TENM4: variants seen among roughly 807,000 people sequenced by gnomAD.
TENM4 encodes the protein teneurin transmembrane protein 4.
In TENM4, 82 loss-of-function variants were observed where a neutral mutation model predicts 243.3. The observed-to-expected ratio is 0.34, with a 90% CI of 0.28 to 0.40. The LOEUF (loss-of-function observed/expected upper bound fraction) is 0.40, where lower values mean the gene tolerates loss of function less well. Among genes scored for constraint, TENM4 ranks in the 10% least tolerant of loss-of-function variants. The pLI is 1.00. For missense variants in TENM4, 3,138 were observed against 3,673.3 expected, an observed-to-expected ratio of 0.85 and a Z score of 3.77; for synonymous variants, 1,412 against 1,456.3, an observed-to-expected ratio of 0.97 and a Z score of 0.69.
chr11:79,192,845 T>C (rs1468523924), intron 3 of TENM4, among the ~76,000 whole-genome samples: 1 of 152,164 alleles, frequency 6.6e-6, no homozygotes, highest in Non-Finnish European at 1.5e-5. Flanking sequence ...ACCTAGACGA[T>C]ATGATTATTT....
chr11:79,269,162 G>A (rs1855927998), intron 2 of TENM4, among the ~76,000 whole-genome samples: 2 of 152,124 alleles, frequency 1.3e-5, no homozygotes, highest in Non-Finnish European at 2.9e-5. Flanking sequence ...TAAAAAATGA[G>A]AATCACCTGT....
chr11:79,141,835 T>A (rs1366767664), intron 4 of TENM4, among the ~76,000 whole-genome samples: 1 of 152,044 alleles, frequency 6.6e-6, no homozygotes, highest in Non-Finnish European at 1.5e-5. Flanking sequence ...GCAAGGATGG[T>A]TCAACATACA....
At chr11:79,169,699 A>G (rs1862996802) in intron 3 of TENM4, among the ~76,000 whole-genome samples, 2 of 152,214 alleles carry the variant, frequency 1.3e-5, no homozygotes, top group African/African-American at 4.8e-5. Context: ...TGCTGTGGCC[A>G]GAGACTAGGG....
At chr11:78,901,334 T>C (rs1029927741) in intron 7 of TENM4, among the ~76,000 whole-genome samples, 1 of 152,192 alleles carries the variant, frequency 6.6e-6, no homozygotes, top group African/African-American at 2.4e-5. Context: ...TGTTTTACAA[T>C]GAACATTTCT....
At chr11:78,785,887 C>A (rs1470870053) in intron 16 of TENM4, among the ~76,000 whole-genome samples, 3 of 152,078 alleles carry the variant, frequency 2.0e-5, no homozygotes, top group Non-Finnish European at 4.4e-5. Context: ...CTCTAAGACC[C>A]AAGAGGTCAC....
rs111999792 is a variant in TENM4, at chr11:78,949,991, C to A, written c.494-46468G>T. On this transcript the variant is annotated intron_variant, in intron 6 of 33. Transcript: ENST00000278550. The stretch of plus-strand genomic sequence containing the variant: ...TATTCCAGTGTTCCCCTTTGGTTGG[C>A]GGGGCGGGGGGTGCATCAATGGATG... Among the ~76,000 whole-genome samples, 274 of 151,632 alleles carry A rather than the reference C, an allele frequency of 1.8e-3. 1 individual carries two copies. The highest frequency in any genetic ancestry group is 6.3e-3 in the African/African-American group (261 of 41,298).
At chr11:79,407,232 C>T (rs1310956023) in intron 1 of TENM4, among the ~76,000 whole-genome samples, 1 of 152,158 alleles carries the variant, frequency 6.6e-6, no homozygotes, top group Non-Finnish European at 1.5e-5. Context: ...AAGAGTCAAA[C>T]ATAAGAATGG....
chr11:78,735,418 T>A (rs772666789), intron 20 of TENM4, among the ~76,000 whole-genome samples: 5 of 152,238 alleles, frequency 3.3e-5, no homozygotes, highest in Admixed American at 1.3e-4. Context: ...AAACAGAATT[T>A]TAGCCAGACT....
chr11:79,094,126 A>G (rs771451210), intron 4 of TENM4, among the ~76,000 whole-genome samples: 3 of 152,198 alleles, frequency 2.0e-5, no homozygotes, highest in Non-Finnish European at 2.9e-5. Context: ...AGCTTGAGAT[A>G]ATCAGAAAAT....
intron 10 of TENM4, 83 bp from the exon 11 acceptor site, chr11:78,856,261 G>A (rs1858678187): frequency 8.2e-7 from 1 of 1,219,768 alleles, no homozygotes. Context: ...TGAACACCCG[G>A]GACTCTCCTT....
chr11:79,127,199 C>T (rs187058616), intron 4 of TENM4, among the ~76,000 whole-genome samples: 1 of 152,192 alleles, frequency 6.6e-6, no homozygotes, highest in Non-Finnish European at 1.5e-5. Flanking sequence ...AAATGGAAGC[C>T]ATTAGAGCTG....
chr11:79,317,151 T>C (rs1233393574), intron 1 of TENM4, among the ~76,000 whole-genome samples: 1 of 152,230 alleles, frequency 6.6e-6, no homozygotes, highest in Non-Finnish European at 1.5e-5. Flanking sequence ...TATTCCCACT[T>C]TGGGAAATTC....
chr11:79,222,820 C>T (rs1864189086), intron 2 of TENM4, among the ~76,000 whole-genome samples: 1 of 152,138 alleles, frequency 6.6e-6, no homozygotes, highest in Non-Finnish European at 1.5e-5. Flanking sequence ...AGTGTCTGTT[C>T]ATGTCCTTTG....
chr11:79,020,706 T>C (rs1858903764), intron 6 of TENM4, among the ~76,000 whole-genome samples: 1 of 152,172 alleles, frequency 6.6e-6, no homozygotes, highest in Non-Finnish European at 1.5e-5. Flanking sequence ...CCTTATTTCT[T>C]GTCTGAGATC....
chr11:79,201,023 G>A (rs1863727240), intron 3 of TENM4, among the ~76,000 whole-genome samples: 1 of 152,208 alleles, frequency 6.6e-6, no homozygotes. Flanking sequence ...TCGTGCTGCA[G>A]AGGGTCTGCA....
intron 3 of TENM4, among the ~76,000 whole-genome samples, chr11:79,195,859 G>A (rs1298991654): frequency 1.3e-5 from 2 of 152,024 alleles, no homozygotes; most frequent in South Asian, 2.1e-4. Flanking sequence ...GGCCAGGAGT[G>A]GAATTTTATG....
At chr11:79,427,223 C>T (rs1859071410) in intron 1 of TENM4, among the ~76,000 whole-genome samples, 1 of 152,210 alleles carries the variant, frequency 6.6e-6, no homozygotes, top group Non-Finnish European at 1.5e-5. Flanking sequence ...CGGATCAGCA[C>T]ATTGTCAGAA....
chr11:78,901,739 C>T (rs140456653), intron 7 of TENM4, among the ~76,000 whole-genome samples: 6 of 152,258 alleles, frequency 3.9e-5, no homozygotes, highest in Non-Finnish European at 7.4e-5. Context: ...GGCAGGCTGA[C>T]ACACAATTAT....
At chr11:78,755,388 C>T (rs1364763158) in intron 19 of TENM4, among the ~76,000 whole-genome samples, 3 of 152,068 alleles carry the variant, frequency 2.0e-5, no homozygotes, top group Non-Finnish European at 2.9e-5. Context: ...AGGCTGGTCT[C>T]GAACTCCCGG....
Sources: gnomAD v4.1 joint callset for allele counts (sites outside exome capture counted in the v4.1 genomes callset) on GRCh38, gnomAD v4.1.1 for gene constraint, MANE v1.5 for transcripts, NCBI Gene and HGNC (gene_info 2026-07-23, HGNC 2026-07-21) for gene names.